SPHKAP: variants seen among roughly 807,000 people sequenced by gnomAD.
The protein encoded by SPHKAP is SPHK1 interactor, AKAP domain containing.
Under a neutral mutation model 137.5 loss-of-function variants are expected in SPHKAP, and 67 were observed. That is an observed-to-expected ratio of 0.49 (90% CI 0.40 to 0.60). The LOEUF (loss-of-function observed/expected upper bound fraction) is 0.60. Ranked by LOEUF, SPHKAP falls within the 20% of genes least tolerant of loss-of-function variation. The pLI is 0.00. For synonymous variants in SPHKAP, 813 were observed against 785.3 expected, an observed-to-expected ratio of 1.04 and a Z score of -0.59; for missense variants, 2,097 against 2,069.3, an observed-to-expected ratio of 1.01 and a Z score of -0.26.
Position 228,131,945 on chromosome 2 carries a change from A to G in SPHKAP, c.138+35T>C, listed in dbSNP as rs769809327. 14 of 1,598,878 alleles carry G rather than the reference A, an allele frequency of 8.8e-6. No individual in the cohort carries two copies. In the East Asian group the frequency reaches 2.9e-4, roughly 33 times the overall value. Reference sequence around the variant, plus strand: ...CGAATTAAATGAATATTCAAGTTCAACTGACAAGAAGAAAGTGGCGTAAGG... The same window carrying G: ...CGAATTAAATGAATATTCAAGTTCAGCTGACAAGAAGAAAGTGGCGTAAGG... On this transcript the variant is annotated intron_variant, in intron 2 of 11. Coordinates refer to ENST00000392056, the MANE Select transcript of SPHKAP (RefSeq NM_001142644.2).
At chr2:228,097,358 G>A (rs575298173) in intron 3 of SPHKAP, among the ~76,000 whole-genome samples, 15 of 152,180 alleles carry the variant, frequency 9.9e-5, no homozygotes, top group African/African-American at 2.2e-4. Context: ...TATTTCTAGC[G>A]GCAAAAATGT....
intron 7 of SPHKAP, among the ~76,000 whole-genome samples, chr2:228,003,094 A>G (rs957603760): frequency 6.6e-6 from 1 of 152,040 alleles, no homozygotes; most frequent in Non-Finnish European, 1.5e-5. Context: ...GTTTTTTCCA[A>G]TCTGTGAAGA....
rs1036557916 is a variant in SPHKAP at position 228,135,830 on chromosome 2, T to C, written c.33-3745A>G. ...TACTAGATGACAAGTGTAATGCAAC[T>C]TCACTACACCCATATTTAAAGCAAA... On this transcript the variant is annotated intron_variant, in intron 1 of 11. Transcript: ENST00000392056. Among the ~76,000 whole-genome samples, 8 of 152,344 alleles carry C rather than the reference T, an allele frequency of 5.3e-5. 2 individuals carry two copies. In the South Asian group the frequency reaches 1.7e-3, roughly 32 times the overall value.
At chr2:228,149,414 T>C (rs989577019) in intron 1 of SPHKAP, among the ~76,000 whole-genome samples, 2 of 152,228 alleles carry the variant, frequency 1.3e-5, no homozygotes, top group Admixed American at 1.3e-4. Flanking sequence ...TATCTTTACA[T>C]CTCATTGCCT....
At chr2:228,096,549 A>C (rs1697988091) in intron 3 of SPHKAP, among the ~76,000 whole-genome samples, 1 of 151,144 alleles carries the variant, frequency 6.6e-6, no homozygotes, top group Admixed American at 6.6e-5. Flanking sequence ...CGAGTACTCT[A>C]TTTTCTATCT....
chr2:228,114,639 A>G (rs1449277764), intron 2 of SPHKAP, among the ~76,000 whole-genome samples: 3 of 152,200 alleles, frequency 2.0e-5, no homozygotes, highest in Non-Finnish European at 2.9e-5. Context: ...TGCAATTGAT[A>G]CGTGGTTGCT....
intron 1 of SPHKAP, among the ~76,000 whole-genome samples, chr2:228,146,149 C>T (rs1699768278): frequency 6.6e-6 from 1 of 152,006 alleles, no homozygotes; most frequent in African/African-American, 2.4e-5. Flanking sequence ...CAGGAAGGTC[C>T]AGAGAGTTCC....
intron 3 of SPHKAP, 95 bp from the exon 4 acceptor site, chr2:228,027,638 G>T: frequency 8.1e-7 from 1 of 1,238,678 alleles, no homozygotes; most frequent in Non-Finnish European, 1.2e-6. Flanking sequence ...CAAATGCTTT[G>T]GGAGTCTTCC....
chr2:228,032,825 A>G (rs960076677), intron 3 of SPHKAP, among the ~76,000 whole-genome samples: 28 of 152,222 alleles, frequency 1.8e-4, no homozygotes, highest in South Asian at 4.1e-4. Flanking sequence ...ACAAGCAAAT[A>G]CTGAGAGATT....
intron 8 of SPHKAP, 147 bp downstream of exon 8, chr2:227,995,362 C>G: frequency 1.1e-6 from 1 of 878,968 alleles, no homozygotes; most frequent in Non-Finnish European, 1.8e-6. Flanking sequence ...TCATGACAGG[C>G]AGGCCCCTCG....
chr2:228,062,984 G>A (rs1696703090), intron 3 of SPHKAP, among the ~76,000 whole-genome samples: 1 of 152,166 alleles, frequency 6.6e-6, no homozygotes, highest in Non-Finnish European at 1.5e-5. Flanking sequence ...AGTCTATTGA[G>A]TACAGAAGAA....
chr2:228,176,167 C>A (rs1700733402), intron 1 of SPHKAP, among the ~76,000 whole-genome samples: 1 of 152,166 alleles, frequency 6.6e-6, no homozygotes, highest in South Asian at 2.1e-4. Context: ...ATCTTAATTA[C>A]CGTGCTATCT....
At chr2:228,007,631 C>T (rs1459131869) in intron 7 of SPHKAP, among the ~76,000 whole-genome samples, 1 of 152,062 alleles carries the variant, frequency 6.6e-6, no homozygotes, top group Non-Finnish European at 1.5e-5. Flanking sequence ...CATGTTGTCA[C>T]AAATGACAGA....
chr2:228,131,045 A>C (rs961613132), intron 2 of SPHKAP, among the ~76,000 whole-genome samples: 2 of 152,114 alleles, frequency 1.3e-5, no homozygotes, highest in Admixed American at 6.6e-5. Flanking sequence ...CTAGAAACTT[A>C]TACAAAAGTC....
chr2:227,994,224 A>G (rs909257559), intron 8 of SPHKAP: 1 of 243,388 alleles, frequency 4.1e-6, no homozygotes, highest in African/African-American at 2.3e-5. Context: ...TTATCTTACA[A>G]TCTTCAAGAA....
chr2:228,001,465 GTATA>G (rs1411139913), intron 7 of SPHKAP, among the ~76,000 whole-genome samples: 1 of 131,126 alleles, frequency 7.6e-6, no homozygotes, highest in Non-Finnish European at 1.6e-5. Context: ...GAATATATAC[GTATA>G]TATAAAAATA....
chr2:228,035,791 C>G (rs2106248301), intron 3 of SPHKAP, among the ~76,000 whole-genome samples: 1 of 152,312 alleles, frequency 6.6e-6, no homozygotes, highest in African/African-American at 2.4e-5. Flanking sequence ...AAAGGATTCC[C>G]TATTTAATAA....
chr2:228,061,755 A>G (rs566327569), intron 3 of SPHKAP, among the ~76,000 whole-genome samples: 2 of 151,948 alleles, frequency 1.3e-5, no homozygotes, highest in Non-Finnish European at 2.9e-5. Flanking sequence ...ACACACACAC[A>G]TACACACACA....
At chr2:228,157,331 C>T (rs1445044195) in intron 1 of SPHKAP, among the ~76,000 whole-genome samples, 1 of 152,080 alleles carries the variant, frequency 6.6e-6, no homozygotes, top group Non-Finnish European at 1.5e-5. Context: ...AATTTCATGC[C>T]TTGGGATTTT....
Sources: allele counts gnomAD v4.1 joint callset (sites outside exome capture counted in the v4.1 genomes callset), GRCh38; gene constraint gnomAD v4.1.1; transcripts MANE v1.5; gene names NCBI Gene and HGNC (gene_info 2026-07-23, HGNC 2026-07-21).